NCS1: variants seen among roughly 807,000 people sequenced by gnomAD.
NCS1 encodes frequenin homolog.
NCS1 carries 6 observed loss-of-function variants against 28.4 expected under a neutral mutation model. The observed-to-expected ratio is 0.21, with a 90% CI of 0.12 to 0.42. The LOEUF is 0.42. Among genes scored for constraint, NCS1 ranks in the 10% least tolerant of loss-of-function variants. NCS1 has a pLI of 1.00. For synonymous variants in NCS1, 86 were observed against 99.3 expected, an observed-to-expected ratio of 0.87 and a Z score of 0.79; for missense variants, 131 against 241.4, an observed-to-expected ratio of 0.54 and a Z score of 3.03.
intron 1 of NCS1, among the ~76,000 whole-genome samples, chr9:130,174,822 C>T (rs896950074): frequency 7.2e-6 from 1 of 139,164 alleles, no homozygotes; most frequent in East Asian, 2.6e-4. Context: ...TGCTGGGTGT[C>T]TTTTTCTGGC....
chr9:130,176,503 A>G (rs1224292570), intron 1 of NCS1, among the ~76,000 whole-genome samples: 1 of 151,994 alleles, frequency 6.6e-6, no homozygotes, highest in Non-Finnish European at 1.5e-5. Context: ...GCCTTAATAT[A>G]TATCATTTTG....
chr9:130,198,446 A>C (rs899256910), intron 1 of NCS1, among the ~76,000 whole-genome samples: 4 of 151,994 alleles, frequency 2.6e-5, no homozygotes, highest in Non-Finnish European at 5.9e-5. Context: ...GAATGCTGCC[A>C]CCCCTTGCCA....
chr9:130,188,770 G>A (rs1442098519), intron 1 of NCS1, among the ~76,000 whole-genome samples: 1 of 151,456 alleles, frequency 6.6e-6, no homozygotes, highest in Non-Finnish European at 1.5e-5. Context: ...AGGCTGGAGT[G>A]CAGTGGTGCA....
intron 1 of NCS1, among the ~76,000 whole-genome samples, chr9:130,195,512 C>T (rs1554906736): frequency 6.6e-6 from 1 of 152,108 alleles, no homozygotes; most frequent in East Asian, 1.9e-4. Flanking sequence ...CAACCTCTGC[C>T]TCCTGGGTTC....
intron 1 of NCS1, among the ~76,000 whole-genome samples, chr9:130,199,444 A>C (rs559370834): frequency 6.6e-6 from 1 of 152,108 alleles, no homozygotes; most frequent in Admixed American, 6.5e-5. Flanking sequence ...CTCTTCCTCC[A>C]TCTCTGATTT....
At chr9:130,213,032 G>A (rs1833133336) in intron 2 of NCS1, among the ~76,000 whole-genome samples, 1 of 152,198 alleles carries the variant, frequency 6.6e-6, no homozygotes, top group Admixed American at 6.5e-5. Flanking sequence ...TCCACCTTCT[G>A]ATGATGAGCA....
At position 130,191,753 on chromosome 9, in the gene NCS1, G is replaced by A. The variant is rs957950406; in HGVS notation, c.65-9205G>A. On this transcript the variant is annotated intron_variant, in intron 1 of 7. Transcript: ENST00000372398. This position sits in a 1 kb window ranked among gnomAD's most constrained non-coding sequence, Gnocchi z 6.4. ...ACAGCTGCTCACTGCTGCACATGGC[G>A]GTCTGATGGCCCTGGTGGGCAGCCT... 2.0e-5 allele frequency among the ~76,000 whole-genome samples: 3 copies of A among 152,262 alleles called. No homozygotes were observed. Among genetic ancestry groups the A allele is most frequent in the African/African-American group, 7.2e-5 (3 of 41,470 alleles).
At chr9:130,172,862 T>G in intron 1 of NCS1, 135 bp downstream of exon 1, 3 of 360,722 alleles carry the variant, frequency 8.3e-6, no homozygotes, top group Non-Finnish European at 9.1e-6. Flanking sequence ...CGGCCTCCAA[T>G]GTGGACCCCT....
chr9:130,181,511 G>A lies in NCS1; in HGVS notation c.64+8784G>A, dbSNP rs201880575. Among the ~76,000 whole-genome samples, 1 of 151,106 alleles carries A rather than the reference G, an allele frequency of 6.6e-6. No individual in the cohort carries two copies. Among genetic ancestry groups the A allele is most frequent in the East Asian group, 2.0e-4 (1 of 5,074 alleles). ...AATTCCACCCAGGAGCCCTGTGGGG[G>A]TCCCCTTTTTACAGATGAGGAAATG... is the stretch of plus-strand genomic sequence containing the variant. On this transcript the variant is annotated intron_variant, in intron 1 of 7. Transcript: ENST00000372398. This position sits in a 1 kb window ranked among gnomAD's most constrained non-coding sequence, Gnocchi z 5.0.
At position 130,173,264 on chromosome 9, in the gene NCS1, G is replaced by A. The variant is rs1014935491; in HGVS notation, c.64+537G>A. Among the ~76,000 whole-genome samples, 6 of 151,444 alleles carry A rather than the reference G, an allele frequency of 4.0e-5. No individual in the cohort carries two copies. In the East Asian group the frequency reaches 1.2e-3, roughly 30 times the overall value. On this transcript the variant is annotated intron_variant, in intron 1 of 7. Coordinates refer to ENST00000372398, the MANE Select transcript of NCS1 (RefSeq NM_014286.4). ...GCGGTGACGGCGGTGAAGGGTCCCC[G>A]GCACCCTGTGGGTTGCAGCACTTAC...
In NCS1 at chr9:130,191,738, A is replaced by G. The variant is rs1251065285; in HGVS notation, c.65-9220A>G. On this transcript the variant is annotated intron_variant, in intron 1 of 7. Coordinates refer to ENST00000372398, the MANE Select transcript of NCS1 (RefSeq NM_014286.4). This position sits in a 1 kb window ranked among gnomAD's most constrained non-coding sequence, Gnocchi z 6.4. ...GCGACAGTGGCCGTCACAGCTGCTC[A>G]CTGCTGCACATGGCGGTCTGATGGC... is the stretch of plus-strand genomic sequence containing the variant. 7.2e-5 allele frequency among the ~76,000 whole-genome samples: 11 copies of G among 152,360 alleles called. No individual in the cohort carries two copies. The highest frequency in any genetic ancestry group is 2.4e-4 in the African/African-American group (10 of 41,594).
chr9:130,190,510 G>A (rs919027596), intron 1 of NCS1, among the ~76,000 whole-genome samples: 8 of 152,176 alleles, frequency 5.3e-5, no homozygotes, highest in Non-Finnish European at 1.0e-4. Flanking sequence ...ACATGGTAGA[G>A]CCGGGATTTG....
rs1832820781 is a variant in NCS1, at chr9:130,191,878, T to C, written c.65-9080T>C. ...GTGCTGGACCAGTCCTGGCTGGCAC[T>C]CAGCGAACTGGGGTGGAGACAGTGA... On this transcript the variant is annotated intron_variant, in intron 1 of 7. Transcript: ENST00000372398. The surrounding 1 kb of genome is among the most constrained non-coding windows in gnomAD (Gnocchi z 6.4). 1.3e-5 allele frequency among the ~76,000 whole-genome samples: 2 copies of C among 152,154 alleles called. No individual in the cohort carries two copies. Among genetic ancestry groups the C allele is most frequent in the Admixed American group, 6.5e-5 (1 of 15,286 alleles).
intron 1 of NCS1, among the ~76,000 whole-genome samples, chr9:130,198,621 C>G (rs781848384): frequency 1.3e-5 from 2 of 152,184 alleles, no homozygotes; most frequent in Admixed American, 1.3e-4. Context: ...ATTGGGAAAA[C>G]GGGGTCACAC....
At chr9:130,210,749 G>C (rs1833101978) in intron 2 of NCS1, among the ~76,000 whole-genome samples, 1 of 152,130 alleles carries the variant, frequency 6.6e-6, no homozygotes, top group Non-Finnish European at 1.5e-5. Context: ...CAAGAGTGGG[G>C]CAGGATCAAG....
chr9:130,172,838 C>A, intron 1 of NCS1, 111 bp downstream of exon 1: 1 of 490,326 alleles, frequency 2.0e-6, no homozygotes, highest in Non-Finnish European at 3.1e-6. Context: ...CGCCTCCGCT[C>A]CGTCCTCCCC....
chr9:130,217,757 G>T, intron 2 of NCS1, 75 bp from the exon 3 acceptor site: 1 of 1,606,694 alleles, frequency 6.2e-7, no homozygotes, highest in Non-Finnish European at 8.5e-7. Flanking sequence ...CTGGGCCCCG[G>T]GCAGGCGATG....
chr9:130,190,065 A>AGAGAGAGAGAGAGAGAGAGAGAG (rs61046186), intron 1 of NCS1, among the ~76,000 whole-genome samples: 1 of 146,540 alleles, frequency 6.8e-6, no homozygotes, highest in African/African-American at 2.6e-5. Context: ...AGAGAGAGAG[A>AGAGAGAGAGAGAGAGAGAGAGAG]ATATATGTGG....
At chr9:130,174,546 T>G in intron 1 of NCS1, among the ~76,000 whole-genome samples, 1 of 152,078 alleles carries the variant, frequency 6.6e-6, no homozygotes, top group Non-Finnish European at 1.5e-5. Flanking sequence ...TGCCAAGAGC[T>G]CTTCTGGGCC....
Sources: gnomAD v4.1 joint callset for allele counts (sites outside exome capture counted in the v4.1 genomes callset) on GRCh38, gnomAD v4.1.1 for gene constraint, Gnocchi (gnomAD v3.1) non-coding constraint, MANE v1.5 for transcripts, NCBI Gene and HGNC (gene_info 2026-07-23, HGNC 2026-07-21) for gene names.